Variants in LIPC observed in about 807,000 individuals in gnomAD.
LIPC encodes the protein lipase C, hepatic type, also known as hepatic triacylglycerol lipase.
Under a neutral mutation model 50.7 loss-of-function variants are expected in LIPC, and 44 were observed. The observed-to-expected ratio is 0.87, with a 90% CI of 0.68 to 1.11. The LOEUF (loss-of-function observed/expected upper bound fraction) is 1.11. Among genes scored for constraint, LIPC ranks in the 50% most tolerant of loss-of-function variants. The probability of loss-of-function intolerance (pLI) is 0.00; values close to 1 mark genes in which losing one functional copy is unlikely to be tolerated. For missense variants in LIPC, 697 were observed against 648.2 expected, an observed-to-expected ratio of 1.08 and a Z score of -0.82; for synonymous variants, 271 against 256.4, an observed-to-expected ratio of 1.06 and a Z score of -0.54.
intron 1 of LIPC, among the ~76,000 whole-genome samples, chr15:58,447,364 C>A (rs986043511): frequency 6.6e-6 from 1 of 152,054 alleles, no homozygotes; most frequent in African/African-American, 2.4e-5. Context: ...GGACCATCGA[C>A]TGAGAGGGAG....
intron 1 of LIPC, among the ~76,000 whole-genome samples, chr15:58,486,924 G>A (rs1345451026): frequency 6.6e-6 from 1 of 152,192 alleles, no homozygotes; most frequent in Non-Finnish European, 1.5e-5. Flanking sequence ...ATGGCAGTTG[G>A]CTCCACTAGA....
At chr15:58,473,098 A>T (rs1206445149) in intron 1 of LIPC, among the ~76,000 whole-genome samples, 3 of 152,178 alleles carry the variant, frequency 2.0e-5, no homozygotes, top group Non-Finnish European at 4.4e-5. Flanking sequence ...CTGCAGTCCC[A>T]GCAGCTGGGA....
intron 1 of LIPC, among the ~76,000 whole-genome samples, chr15:58,476,924 C>G (rs371517480): frequency 6.6e-6 from 1 of 152,224 alleles, no homozygotes; most frequent in Non-Finnish European, 1.5e-5. Context: ...ACCCAGGGCA[C>G]GTCCTGCTCT....
chr15:58,520,396 A>C (rs1223556221), intron 1 of LIPC, among the ~76,000 whole-genome samples: 1 of 152,042 alleles, frequency 6.6e-6, no homozygotes, highest in Non-Finnish European at 1.5e-5. Flanking sequence ...AAACCATTCG[A>C]TGTGCCTATT....
chr15:58,465,357 A>C lies in LIPC; in HGVS notation c.88+33237A>C, dbSNP rs142477420. The stretch of plus-strand genomic sequence containing the variant: ...ACAGTTTTTACATCTGGCTTTTAAC[A>C]CAGACTGTGCTCTTCAATAGTCTTA... On this transcript the variant is annotated intron_variant, in intron 1 of 8. Transcript: ENST00000299022. Among the ~76,000 whole-genome samples, 4 of 152,350 alleles carry C rather than the reference A, an allele frequency of 2.6e-5. No individual in the cohort carries two copies. The East Asian group carries it at 7.7e-4, about 29-fold the overall frequency.
At chr15:58,459,656 A>G (rs1171817341) in intron 1 of LIPC, among the ~76,000 whole-genome samples, 6 of 152,170 alleles carry the variant, frequency 3.9e-5, no homozygotes, top group African/African-American at 1.4e-4. Flanking sequence ...CCCCCCACAT[A>G]GGGTGTGGCC....
intron 1 of LIPC, among the ~76,000 whole-genome samples, chr15:58,505,283 C>CCTACTCACCAG (rs1892111061): frequency 6.6e-6 from 1 of 152,236 alleles, no homozygotes; most frequent in African/African-American, 2.4e-5. Context: ...TCCCAGCCCC[C>CCTACTCACCAG]CTACTCACCA....
At chr15:58,565,631 T>G in intron 8 of LIPC, 1 of 1,053,260 alleles carries the variant, frequency 9.5e-7, no homozygotes, top group Middle Eastern at 4.3e-4. Flanking sequence ...ATTGTCCCAG[T>G]CCAGATTTGA....
At chr15:58,565,319 T>C (rs1266426068) in intron 8 of LIPC, 2 of 1,534,822 alleles carry the variant, frequency 1.3e-6, no homozygotes, top group South Asian at 2.4e-5. Flanking sequence ...AGCTGGAGAG[T>C]AATTCCTCAG....
intron 2 of LIPC, among the ~76,000 whole-genome samples, chr15:58,539,760 C>T (rs985015729): frequency 1.1e-4 from 17 of 152,268 alleles, no homozygotes; most frequent in Middle Eastern, 3.4e-3. Flanking sequence ...ATAGCTTCCT[C>T]CACACCCCAT....
intron 1 of LIPC, among the ~76,000 whole-genome samples, chr15:58,527,586 G>C (rs570598384): frequency 6.6e-6 from 1 of 152,266 alleles, no homozygotes; most frequent in East Asian, 1.9e-4. Flanking sequence ...CCACCTTATG[G>C]CTGGGTGGGC....
intron 8 of LIPC, among the ~76,000 whole-genome samples, chr15:58,564,541 G>A (rs550792462): frequency 3.3e-5 from 5 of 151,372 alleles, no homozygotes; most frequent in South Asian, 2.1e-4. Context: ...CAGCCTGGCC[G>A]ACATGGTGAA....
At chr15:58,502,907 A>G (rs1211641019) in intron 1 of LIPC, among the ~76,000 whole-genome samples, 4 of 150,442 alleles carry the variant, frequency 2.7e-5, no homozygotes, top group Non-Finnish European at 4.4e-5. Flanking sequence ...CTCAGCCTGT[A>G]GAGCTTTCCT....
chr15:58,462,655 G>A (rs1006919183), intron 1 of LIPC, among the ~76,000 whole-genome samples: 14 of 152,294 alleles, frequency 9.2e-5, no homozygotes, highest in South Asian at 4.1e-4. Context: ...CAGCACCTTA[G>A]AAGTCAGGCT....
At chr15:58,568,261 A>G (rs1278857561) in intron 8 of LIPC, among the ~76,000 whole-genome samples, 1 of 152,230 alleles carries the variant, frequency 6.6e-6, no homozygotes, top group African/African-American at 2.4e-5. Context: ...CACTGGCCTC[A>G]TGCCAAGGAC....
intron 1 of LIPC, among the ~76,000 whole-genome samples, chr15:58,501,884 A>T (rs1486981783): frequency 6.6e-6 from 1 of 152,174 alleles, no homozygotes; most frequent in Non-Finnish European, 1.5e-5. Flanking sequence ...TGCACCCTGA[A>T]GGAGGTAGGA....
chr15:58,565,186 A>C, intron 8 of LIPC: 2 of 1,535,494 alleles, frequency 1.3e-6, no homozygotes, highest in Middle Eastern at 3.3e-4. Context: ...CAGATCTCCC[A>C]ACAGGATCAA....
chr15:58,506,553 A>G (rs1439148307), intron 1 of LIPC, among the ~76,000 whole-genome samples: 1 of 152,152 alleles, frequency 6.6e-6, no homozygotes, highest in Non-Finnish European at 1.5e-5. Context: ...TCCACTCACA[A>G]TTCCAAACCC....
Position 58,560,917 on chromosome 15 carries a change from C to T in LIPC, c.1105C>T (p.Gln369Ter), listed in dbSNP as rs1378567914. The change falls in exon 7 of 9, where the codon CAA (glutamine) becomes TAA (stop). Residue 369 changes from glutamine to a stop codon, truncating the protein, a stop_gained. Coordinates refer to ENST00000299022, the MANE Select transcript of LIPC (RefSeq NM_000236.3). LOFTEE classifies it high-confidence loss of function. ...QFINQTETPI[Q>*]TTFTMSLLGT... ...CATCAACCAAACTGAGACACCAATA[C>T]AAACAACTTTTACCATGTCACTACT... 2.2e-5 allele frequency: 34 copies of T among 1,560,834 alleles called. No individual in the cohort carries two copies. The highest frequency in any genetic ancestry group is 2.8e-5 in the Non-Finnish European group (32 of 1,131,258).
Sources: allele counts gnomAD v4.1 joint callset (sites outside exome capture counted in the v4.1 genomes callset), GRCh38; gene constraint gnomAD v4.1.1; transcripts MANE v1.5; gene names NCBI Gene and HGNC (gene_info 2026-07-23, HGNC 2026-07-21).